Variants in PPP2R3C observed in about 807,000 individuals in gnomAD.
PPP2R3C encodes protein phosphatase 2 regulatory subunit B''gamma, also known as serine/threonine-protein phosphatase 2A regulatory subunit B'' subunit gamma.
In PPP2R3C, 47 loss-of-function variants were observed where a neutral mutation model predicts 63.7. The observed-to-expected ratio is 0.74, with a 90% CI of 0.58 to 0.94. The LOEUF is 0.94. Ranked by LOEUF, PPP2R3C falls within the 40% of genes least tolerant of loss-of-function variation. PPP2R3C has a pLI of 0.00. For missense variants in PPP2R3C, 421 were observed against 518.4 expected, an observed-to-expected ratio of 0.81 and a Z score of 1.82; for synonymous variants, 180 against 177.4, an observed-to-expected ratio of 1.01 and a Z score of -0.12.
upstream of PPP2R3C, chr14:35,122,137 G>A (rs939991714): frequency 1.6e-6 from 1 of 609,358 alleles, no homozygotes. Flanking sequence ...CACTGCCGCG[G>A]AGAATACCGC....
At position 35,085,852 on chromosome 14, in the gene PPP2R3C, G is replaced by A; in HGVS notation, c.1174-74C>T. 2.4e-6 allele frequency: 3 copies of A among 1,253,442 alleles called. No individual in the cohort carries two copies. In the South Asian group the frequency reaches 4.5e-5, roughly 19 times the overall value. The allele number at this position is 1,253,442 out of a possible 1,614,324, so 77.6% of individuals were successfully genotyped here. On this transcript the variant is annotated intron_variant, in intron 12 of 12. Coordinates refer to ENST00000261475, the MANE Select transcript of PPP2R3C (RefSeq NM_017917.4). The stretch of plus-strand genomic sequence containing the variant: ...TCACACATAGTGATCCAAAATTCAG[G>A]GCTGTTTGCATCCACTGAAGTACAG...
intron 2 of PPP2R3C, among the ~76,000 whole-genome samples, chr14:35,116,358 C>T (rs1364026992): frequency 1.3e-5 from 2 of 151,404 alleles, no homozygotes; most frequent in African/African-American, 2.4e-5. Flanking sequence ...CTCAAGTAAT[C>T]CTCCTGCTTC....
At chr14:35,109,659 T>G (rs930351071) in intron 4 of PPP2R3C, among the ~76,000 whole-genome samples, 160 bp downstream of exon 4, 5 of 151,864 alleles carry the variant, frequency 3.3e-5, no homozygotes, top group Admixed American at 3.3e-4. Context: ...TCTCCCTAAG[T>G]TGCCCAGGCT....
intron 11 of PPP2R3C, 89 bp from the exon 12 acceptor site, chr14:35,088,099 C>T (rs990023261): frequency 2.2e-6 from 2 of 908,610 alleles, no homozygotes; most frequent in Non-Finnish European, 3.6e-6. Context: ...CTTATACTTC[C>T]TTTCCTATCA....
intron 2 of PPP2R3C, among the ~76,000 whole-genome samples, chr14:35,111,879 C>T (rs1595122105): frequency 6.6e-6 from 1 of 152,198 alleles, no homozygotes; most frequent in South Asian, 2.1e-4. Context: ...TTGAAAAACC[C>T]TAGCCTCCAA....
chr14:35,106,503 C>T (rs1428023048), intron 6 of PPP2R3C: 1 of 152,074 alleles, frequency 6.6e-6, no homozygotes, highest in African/African-American at 2.4e-5. Flanking sequence ...CACCACAGCC[C>T]AGCAAATTTT....
chr14:35,085,645 C>G lies in PPP2R3C; in HGVS notation c.1307G>C (p.Arg436Thr). ...DLNGFWTYEN[R>T]EALVANDSEN... Reference sequence around the variant, plus strand: ...ACTGTCATTTGCAACAAGAGCCTCTCTGTTCTCGTAAGTCCAGAAGCCATT... The same window carrying G: ...ACTGTCATTTGCAACAAGAGCCTCTGTGTTCTCGTAAGTCCAGAAGCCATT... Residue 436 changes from arginine (R) to threonine (T), a missense_variant, in exon 13 of 13, where the codon AGA becomes ACA. Arg to Thr is a moderately conservative substitution (Grantham distance 71). This residue lies in a region of PPP2R3C where 231 missense variants were observed against 264.8 expected (regional missense o/e 0.87). Coordinates refer to ENST00000261475, the MANE Select transcript of PPP2R3C (RefSeq NM_017917.4). 6.2e-7 allele frequency: 1 copy of G among 1,613,508 alleles called. No individual in the cohort carries two copies. Among genetic ancestry groups the G allele is most frequent in the South Asian group, 1.1e-5 (1 of 90,922 alleles).
intron 12 of PPP2R3C, 200 bp downstream of exon 12, chr14:35,087,751 A>G: frequency 1.8e-6 from 1 of 540,654 alleles, no homozygotes; most frequent in African/African-American, 1.9e-5. Flanking sequence ...AAACATAATG[A>G]TGACAATACT....
At chr14:35,118,354 G>A (rs1287925984) in intron 1 of PPP2R3C, among the ~76,000 whole-genome samples, 1 of 152,204 alleles carries the variant, frequency 6.6e-6, no homozygotes, top group Non-Finnish European at 1.5e-5. Flanking sequence ...AACTGCAAGA[G>A]TACATCCTTC....
intron 6 of PPP2R3C, chr14:35,101,822 A>T (rs2046200212): frequency 6.6e-6 from 1 of 151,870 alleles, no homozygotes; most frequent in Non-Finnish European, 1.5e-5. Flanking sequence ...CTTTTTATAT[A>T]TTAGGGTAAT....
At chr14:35,109,513 C>G in intron 4 of PPP2R3C, among the ~76,000 whole-genome samples, 1 of 151,740 alleles carries the variant, frequency 6.6e-6, no homozygotes, top group Non-Finnish European at 1.5e-5. Context: ...AGGTCTTGCT[C>G]TATCGCCCAG....
intron 12 of PPP2R3C, 185 bp downstream of exon 12, chr14:35,087,766 T>C (rs1265665928): frequency 3.5e-6 from 2 of 564,006 alleles, no homozygotes; most frequent in Non-Finnish European, 6.3e-6. Context: ...AATACTAAAA[T>C]TATAAACTAC....
Position 35,099,393 on chromosome 14 carries a change from A to G in PPP2R3C, c.574-9T>C. 6.3e-7 allele frequency: 1 copy of G among 1,587,268 alleles called. No individual in the cohort carries two copies. The highest frequency in any genetic ancestry group is 1.4e-5 in the African/African-American group (1 of 73,310). On this transcript the variant is annotated splice_polypyrimidine_tract_variant and intron_variant, in intron 6 of 12. Coordinates refer to ENST00000261475, the MANE Select transcript of PPP2R3C (RefSeq NM_017917.4). ...ATGTAGTTTTCTAAATCCTGAAAAT[A>G]AAACAAAATAAAGTGTTAAATGTCC...
intron 11 of PPP2R3C, among the ~76,000 whole-genome samples, chr14:35,089,920 C>T (rs2038255): frequency 0.19 from 29,296 of 151,980 alleles, 3,010 homozygotes; most frequent in East Asian, 0.38. Flanking sequence ...CCACCCTGGC[C>T]TCCCAAAGTG....
At chr14:35,087,795 G>A (rs1287851159) in intron 12 of PPP2R3C, 156 bp downstream of exon 12, 11 of 621,034 alleles carry the variant, frequency 1.8e-5, no homozygotes, top group African/African-American at 1.7e-4. Flanking sequence ...TCCAAATGTG[G>A]TCTCAGTTCG....
At position 35,095,189 on chromosome 14, in the gene PPP2R3C, G is replaced by A; in HGVS notation, c.839-5C>T. On this transcript the variant is annotated splice_region_variant and splice_polypyrimidine_tract_variant and intron_variant, in intron 9 of 12. Transcript: ENST00000261475. ...TATCAAGATTCAAGTACTGGCCTTG[G>A]GAAGAAAAATAATAAAGACACTTAT... 1 of 1,608,584 alleles carries A rather than the reference G, an allele frequency of 6.2e-7. No homozygotes were observed.
rs1227394175 is a variant in PPP2R3C, at chr14:35,110,604, A to T, written c.212T>A (p.Leu71Gln). The change falls in exon 3 of 13, where the codon CTA (leucine) becomes CAA (glutamine). Residue 71 changes from leucine to glutamine, a missense_variant. By Grantham distance (113) the Leu-to-Gln change is moderately radical. Transcript: ENST00000261475. ...TCTTGATTCCTCTCTTAATTTCTGT[A>T]GTAAGACTTCATCTTCAGCAGGCAG... ...YRLPAEDEVL[L>Q]QKLREESRAV... The T allele has an allele frequency of 6.2e-7, 1 of 1,611,570 alleles. No homozygotes were observed. The highest frequency in any genetic ancestry group is 8.5e-7 in the Non-Finnish European group (1 of 1,179,252).
At chr14:35,096,864 A>T in intron 7 of PPP2R3C, 100 bp from the exon 8 acceptor site, 1 of 1,110,740 alleles carries the variant, frequency 9.0e-7, no homozygotes, top group East Asian at 2.6e-5. Flanking sequence ...CACACAATTG[A>T]TATTTTAAAG....
chr14:35,092,638 G>T (rs2045860105), intron 10 of PPP2R3C, among the ~76,000 whole-genome samples: 1 of 151,910 alleles, frequency 6.6e-6, no homozygotes, highest in East Asian at 1.9e-4. Flanking sequence ...GGCTAATTTT[G>T]TATTTTTAGT....
Sources: gnomAD v4.1 joint callset for allele counts (sites outside exome capture counted in the v4.1 genomes callset) on GRCh38, gnomAD v4.1.1 for gene constraint, gnomAD v4.1.1 regional missense constraint, MANE v1.5 for transcripts, NCBI Gene and HGNC (gene_info 2026-07-23, HGNC 2026-07-21) for gene names.